Variants in STK10 observed in about 807,000 individuals in gnomAD.
STK10 encodes the protein serine/threonine kinase 10, also known as serine/threonine-protein kinase 10.
In STK10, 78 loss-of-function variants were observed where a neutral mutation model predicts 113.8. The ratio of observed to expected loss-of-function variants is 0.69; its 90% confidence interval spans 0.57 to 0.83. The LOEUF (loss-of-function observed/expected upper bound fraction) is 0.83. Among genes scored for constraint, STK10 ranks in the 40% least tolerant of loss-of-function variants. The pLI is 0.00. For missense variants in STK10, 1,109 were observed against 1,280.1 expected, an observed-to-expected ratio of 0.87 and a Z score of 2.04; for synonymous variants, 465 against 494.7, an observed-to-expected ratio of 0.94 and a Z score of 0.80.
chr5:172,183,273 A>G (rs942054358), intron 1 of STK10, among the ~76,000 whole-genome samples: 1 of 152,070 alleles, frequency 6.6e-6, no homozygotes, highest in Non-Finnish European at 1.5e-5. Context: ...TCATTTCTCC[A>G]TGCTCCCTGT....
intron 3 of STK10, among the ~76,000 whole-genome samples, chr5:172,121,753 A>G (rs1335786003): frequency 6.6e-6 from 1 of 152,058 alleles, no homozygotes; most frequent in African/African-American, 2.4e-5. Flanking sequence ...TTTTGGAGAC[A>G]GAGTCTTACT....
At chr5:172,078,918 C>T (rs941000394) in intron 12 of STK10, among the ~76,000 whole-genome samples, 1 of 150,980 alleles carries the variant, frequency 6.6e-6, no homozygotes, top group South Asian at 2.1e-4. Flanking sequence ...CTTCCTCTGT[C>T]GCCTCCTCTC....
intron 10 of STK10, among the ~76,000 whole-genome samples, chr5:172,087,993 G>A (rs1036542125): frequency 2.0e-5 from 3 of 151,392 alleles, no homozygotes; most frequent in Admixed American, 1.3e-4. Context: ...TGGCATGAAC[G>A]CAGCTCACTG....
chr5:172,145,419 A>T (rs1720000644), intron 2 of STK10, among the ~76,000 whole-genome samples: 1 of 151,928 alleles, frequency 6.6e-6, no homozygotes, highest in Non-Finnish European at 1.5e-5. Context: ...TCCTTGAGGG[A>T]CAGGTAGGAG....
chr5:172,053,304 T>G (rs188304295), intron 17 of STK10: 8 of 392,364 alleles, frequency 2.0e-5, no homozygotes, highest in Non-Finnish European at 3.8e-5. Flanking sequence ...TCTGTGAGGA[T>G]ACAGCAAGAA....
At chr5:172,154,170 G>A (rs1375673752) in intron 2 of STK10, among the ~76,000 whole-genome samples, 3 of 152,198 alleles carry the variant, frequency 2.0e-5, no homozygotes, top group Admixed American at 2.0e-4. Flanking sequence ...AACGCCAATT[G>A]CTGGGCCTCA....
At chr5:172,097,980 C>T (rs145866050) in intron 7 of STK10, among the ~76,000 whole-genome samples, 130 of 152,206 alleles carry the variant, frequency 8.5e-4, no homozygotes, top group Non-Finnish European at 1.1e-3. Context: ...CCACGCTCAC[C>T]GAAGGCCACT....
chr5:172,170,442 C>T (rs1236866830), intron 1 of STK10, among the ~76,000 whole-genome samples: 2 of 152,102 alleles, frequency 1.3e-5, no homozygotes, highest in African/African-American at 2.4e-5. Flanking sequence ...TTCAGCTCAA[C>T]GACAAGTGAG....
chr5:172,122,010 G>A lies in STK10; in HGVS notation c.371-4380C>T, dbSNP rs1396602678. On this transcript the variant is annotated intron_variant, in intron 3 of 18. Transcript: ENST00000176763. Reference sequence around the variant, plus strand: ...AGCCTCCCGAGTGGCTGGGATTATGGGCACCTGCCACTGTACCTGGCTAAT... The same window carrying A: ...AGCCTCCCGAGTGGCTGGGATTATGAGCACCTGCCACTGTACCTGGCTAAT... 3.3e-5 allele frequency among the ~76,000 whole-genome samples: 5 copies of A among 152,026 alleles called. No homozygotes were observed. The East Asian group carries it at 9.7e-4, about 29-fold the overall frequency.
At chr5:172,163,169 A>G (rs1424923203) in intron 1 of STK10, among the ~76,000 whole-genome samples, 1 of 152,228 alleles carries the variant, frequency 6.6e-6, no homozygotes, top group Non-Finnish European at 1.5e-5. Context: ...TCTGTGTTCC[A>G]GGACAGGACT....
intron 3 of STK10, among the ~76,000 whole-genome samples, chr5:172,125,235 C>T (rs889581237): frequency 2.6e-5 from 4 of 152,206 alleles, no homozygotes; most frequent in African/African-American, 7.2e-5. Flanking sequence ...TGATCAATCT[C>T]GTCAACAGGC....
chr5:172,166,314 T>A (rs951254315), intron 1 of STK10, among the ~76,000 whole-genome samples: 1 of 152,190 alleles, frequency 6.6e-6, no homozygotes, highest in Non-Finnish European at 1.5e-5. Context: ...GAAGGCGGAC[T>A]CTACCCGTAG....
intron 10 of STK10, among the ~76,000 whole-genome samples, chr5:172,089,506 CTGGATGGATGAT>C (rs1768646629): frequency 6.7e-6 from 1 of 148,902 alleles, no homozygotes; most frequent in Non-Finnish European, 1.5e-5. Flanking sequence ...GGATGGATGA[CTGGATGGATGAT>C]TGGGTGGACA....
At chr5:172,143,137 C>T (rs1213567166) in intron 2 of STK10, among the ~76,000 whole-genome samples, 3 of 152,156 alleles carry the variant, frequency 2.0e-5, no homozygotes, top group East Asian at 3.8e-4. Flanking sequence ...GAGTGCTAGG[C>T]GCAGTGGTTC....
intron 13 of STK10, among the ~76,000 whole-genome samples, chr5:172,062,493 AGCCC>A: frequency 6.6e-6 from 1 of 152,006 alleles, no homozygotes; most frequent in African/African-American, 2.4e-5. Flanking sequence ...GGATGAAAAC[AGCCC>A]ACGTGTCCGT....
chr5:172,119,646 C>T (rs58456422), intron 3 of STK10, among the ~76,000 whole-genome samples: 2,296 of 151,916 alleles, frequency 0.015, 59 homozygotes, highest in African/African-American at 0.053. Context: ...GGGAGGATCA[C>T]GAGGTCAGGA....
intron 15 of STK10, chr5:172,056,871 CGAAA>C (rs112419496): frequency 0.015 from 1,888 of 128,846 alleles, 49 homozygotes; most frequent in African/African-American, 0.054. Flanking sequence ...GACTCCATCT[CGAAA>C]GAAAGAAAGA....
intron 1 of STK10, among the ~76,000 whole-genome samples, chr5:172,185,527 A>G (rs562576922): frequency 6.6e-5 from 10 of 152,106 alleles, no homozygotes; most frequent in African/African-American, 2.2e-4. Context: ...TCAGCCTCCC[A>G]AAGTGCTAGG....
At chr5:172,151,600 T>C (rs1268259247) in intron 2 of STK10, among the ~76,000 whole-genome samples, 2 of 152,164 alleles carry the variant, frequency 1.3e-5, no homozygotes, top group African/African-American at 4.8e-5. Context: ...CACCTCGGCC[T>C]CCCAAAGTGC....
Sources: allele counts gnomAD v4.1 joint callset (sites outside exome capture counted in the v4.1 genomes callset), GRCh38; gene constraint gnomAD v4.1.1; transcripts MANE v1.5; gene names NCBI Gene and HGNC (gene_info 2026-07-23, HGNC 2026-07-21).